Variants in MRPS6 observed in about 807,000 individuals in gnomAD.
MRPS6 encodes small ribosomal subunit protein bS6m.
In MRPS6, 6 loss-of-function variants were observed where a neutral mutation model predicts 13.1. The observed-to-expected ratio is 0.46, with a 90% CI of 0.25 to 0.91. The LOEUF (loss-of-function observed/expected upper bound fraction) is 0.91. MRPS6 is among the 40% of genes least tolerant of loss of function. MRPS6 has a pLI of 0.18. For missense variants in MRPS6, 164 were observed against 155.6 expected (o/e 1.05, Z -0.29); for synonymous variants, 61 against 56.5 (o/e 1.08, Z -0.36).
chr21:34,114,566 C>G (rs1225302412), intron 1 of MRPS6, among the ~76,000 whole-genome samples: 3 of 152,128 alleles, frequency 2.0e-5, no homozygotes, highest in African/African-American at 4.8e-5. Flanking sequence ...AAGATGCAGA[C>G]ACCTTTATTT....
chr21:34,098,414 G>C (rs1335302499), intron 1 of MRPS6: 3 of 1,000,092 alleles, frequency 3.0e-6, no homozygotes, highest in Non-Finnish European at 3.6e-6. Flanking sequence ...TTTTTAGAGG[G>C]AAAATTTAAT....
At chr21:34,082,043 A>AT (rs1362615231) in intron 1 of MRPS6, among the ~76,000 whole-genome samples, 1 of 146,948 alleles carries the variant, frequency 6.8e-6, no homozygotes, top group African/African-American at 2.7e-5. Flanking sequence ...TCCAGATTTT[A>AT]TAGGAAATCT....
chr21:34,130,375 G>A (rs548891174), intron 2 of MRPS6, among the ~76,000 whole-genome samples: 5 of 152,276 alleles, frequency 3.3e-5, no homozygotes, highest in East Asian at 3.9e-4. Flanking sequence ...TGGCAGCACC[G>A]GGCAGTCTGC....
intron 1 of MRPS6, chr21:34,100,912 TG>T (rs967495486): frequency 2.0e-6 from 2 of 1,000,144 alleles, no homozygotes; most frequent in African/African-American, 3.5e-5. Context: ...AGGTCTTCCC[TG>T]TTCCTGCTTG....
At chr21:34,115,564 G>A (rs1979865826) in intron 1 of MRPS6, among the ~76,000 whole-genome samples, 1 of 152,204 alleles carries the variant, frequency 6.6e-6, no homozygotes, top group Admixed American at 6.5e-5. Context: ...ACCTCTGGAA[G>A]CCACCTGTTT....
chr21:34,121,488 C>G (rs1980119969), intron 1 of MRPS6, among the ~76,000 whole-genome samples: 1 of 152,026 alleles, frequency 6.6e-6, no homozygotes, highest in Non-Finnish European at 1.5e-5. Context: ...TTCATTCATT[C>G]CTTTCTTTCT....
chr21:34,104,948 T>C lies in MRPS6; in HGVS notation c.46-20393T>C, dbSNP rs930976030. 20 of 999,434 alleles carry C rather than the reference T, an allele frequency of 2.0e-5. No homozygotes were observed. In the African/African-American group the frequency reaches 3.3e-4, roughly 17 times the overall value. 61.9% of individuals were successfully genotyped at this position (999,434 alleles called of 1,614,324 possible). On this transcript the variant is annotated intron_variant, in intron 1 of 2. Coordinates refer to ENST00000399312, the MANE Select transcript of MRPS6 (RefSeq NM_032476.4). ...GGAGAACTGCTTTAATTAGCCTAGG[T>C]GAAAAGTAGTCCTAGCAGTGTAAAT...
chr21:34,081,826 A>G (rs980550171), intron 1 of MRPS6, among the ~76,000 whole-genome samples: 5 of 152,170 alleles, frequency 3.3e-5, no homozygotes, highest in Admixed American at 6.5e-5. Flanking sequence ...TTAATGAAGA[A>G]ACTCTAAAAG....
chr21:34,075,133 G>T (rs764564774), intron 1 of MRPS6, among the ~76,000 whole-genome samples: 4 of 152,244 alleles, frequency 2.6e-5, no homozygotes, highest in Middle Eastern at 3.2e-3. Flanking sequence ...TTTTTAATTA[G>T]GTGGAAGTTG....
At chr21:34,088,929 T>C (rs950153566) in intron 1 of MRPS6, among the ~76,000 whole-genome samples, 64 of 152,270 alleles carry the variant, frequency 4.2e-4, no homozygotes, top group Admixed American at 3.7e-3. Context: ...ATAAACAGTC[T>C]TTTACAAGCA....
Position 34,096,371 on chromosome 21 carries a change from C to T in MRPS6, c.45+22626C>T, listed in dbSNP as rs757574942. The T allele has an allele frequency of 3.7e-6, 6 of 1,614,040 alleles. No homozygotes were observed. The Admixed American group carries it at 8.3e-5, about 22-fold the overall frequency. On this transcript the variant is annotated intron_variant, in intron 1 of 2. Coordinates refer to ENST00000399312, the MANE Select transcript of MRPS6 (RefSeq NM_032476.4). The surrounding 1 kb of genome is among the most constrained non-coding windows in gnomAD (Gnocchi z 5.9). ...TTAACAGTGCCAGTACCATATTCAC[C>T]CTCGATGTGTACAAACTTATCCGCA...
At chr21:34,105,521 A>G (rs534513822) in intron 1 of MRPS6, 41 of 999,836 alleles carry the variant, frequency 4.1e-5, no homozygotes, top group Non-Finnish European at 4.7e-5. Context: ...AGATGTCTAC[A>G]TTGAAACATG....
At chr21:34,089,202 G>GTT (rs11446934) in intron 1 of MRPS6, among the ~76,000 whole-genome samples, 4 of 151,660 alleles carry the variant, frequency 2.6e-5, no homozygotes, top group Admixed American at 6.6e-5. Flanking sequence ...TGATTTTTGT[G>GTT]TTTTTTTAGA....
intron 2 of MRPS6, among the ~76,000 whole-genome samples, chr21:34,135,177 T>C (rs1194895797): frequency 6.6e-6 from 1 of 152,108 alleles, no homozygotes; most frequent in Non-Finnish European, 1.5e-5. Context: ...TTTTCCAGTT[T>C]GGGGTTGTTA....
chr21:34,132,760 T>A (rs1199827174), intron 2 of MRPS6, among the ~76,000 whole-genome samples: 1 of 152,178 alleles, frequency 6.6e-6, no homozygotes, highest in Non-Finnish European at 1.5e-5. Context: ...TAGGCTGCGT[T>A]GTCTTTATGG....
intron 2 of MRPS6, among the ~76,000 whole-genome samples, chr21:34,129,486 C>G (rs935347397): frequency 3.3e-5 from 5 of 152,144 alleles, no homozygotes; most frequent in Non-Finnish European, 7.4e-5. Context: ...CTGTTTTGCC[C>G]GTTCTTTGCC....
chr21:34,141,292 G>C (rs774747287), intron 2 of MRPS6, among the ~76,000 whole-genome samples: 1 of 152,174 alleles, frequency 6.6e-6, no homozygotes, highest in Non-Finnish European at 1.5e-5. Context: ...TGGTGAGAAC[G>C]TACTTTGTGG....
chr21:34,099,393 C>T, intron 1 of MRPS6: 2 of 1,000,184 alleles, frequency 2.0e-6, no homozygotes, highest in South Asian at 4.7e-5. Flanking sequence ...ATGTTTTGTC[C>T]TGTTTTTTCA....
At chr21:34,095,694 A>C (rs1978932560) in intron 1 of MRPS6, 1 of 1,613,528 alleles carries the variant, frequency 6.2e-7, no homozygotes, top group African/African-American at 1.3e-5. Flanking sequence ...CATCCTGCTC[A>C]TTGGCATGAC....
Sources: allele counts gnomAD v4.1 joint callset (sites outside exome capture counted in the v4.1 genomes callset), GRCh38; gene constraint gnomAD v4.1.1; non-coding constraint Gnocchi (gnomAD v3.1); transcripts MANE v1.5; gene names NCBI Gene and HGNC (gene_info 2026-07-23, HGNC 2026-07-21).